Variants in STXBP4 observed in about 807,000 individuals in gnomAD.
The protein encoded by STXBP4 is syntaxin-binding protein 4.
In STXBP4, 55 loss-of-function variants were observed where a neutral mutation model predicts 76.1. The ratio of observed to expected loss-of-function variants is 0.72; its 90% CI spans 0.58 to 0.91. The LOEUF (loss-of-function observed/expected upper bound fraction) is 0.91, where lower values mean the gene tolerates loss of function less well. Among genes scored for constraint, STXBP4 ranks in the 40% least tolerant of loss-of-function variants. STXBP4 has a pLI of 0.00. For synonymous variants in STXBP4, 201 were observed against 220.2 expected, an observed-to-expected ratio of 0.91 and a Z score of 0.77; for missense variants, 618 against 636.9, an observed-to-expected ratio of 0.97 and a Z score of 0.32.
At position 54,990,839 on chromosome 17, in the gene STXBP4, A is replaced by C; in HGVS notation, c.62A>C (p.Gln21Pro). 1 of 1,603,266 alleles carries C rather than the reference A, an allele frequency of 6.2e-7. No homozygotes were observed. The highest frequency in any genetic ancestry group is 2.3e-5 in the East Asian group (1 of 44,444). ...CTTTATCTTAGGGATCCTGCCTTTCAGATGATTACAATTGCCAAGGAAACA... is the reference window on the plus strand; with the variant it reads ...CTTTATCTTAGGGATCCTGCCTTTCCGATGATTACAATTGCCAAGGAAACA... ...PSLLEKDPAFQMITIAKETGL... is the reference protein window; with the variant it reads ...PSLLEKDPAFPMITIAKETGL... Residue 21 changes from glutamine to proline, a missense_variant, in exon 4 of 18, where the codon CAG (glutamine) becomes CCG (proline). Physicochemically the swap from Gln to Pro is moderately conservative, Grantham distance 76 (BLOSUM62 -1). Coordinates refer to ENST00000376352, the MANE Select transcript of STXBP4 (RefSeq NM_178509.6).
rs1488449754 is a variant in STXBP4 at position 55,159,905 on chromosome 17, A to G, written c.1656A>G (p.Lys552=). ...GCTCTAGAGAACTCCCCAACCAGAA[A>G]AGTTGATGGTTTTCCTTAGGAAGTG... is the stretch of plus-strand genomic sequence containing the variant. ...EDCSRELPNQ[K]S Residue 552 remains lysine (K), a synonymous_variant, in exon 18 of 18, where the codon AAA becomes AAG. Transcript: ENST00000376352. 1 of 1,607,868 alleles carries G rather than the reference A, an allele frequency of 6.2e-7. No homozygotes were observed.
intron 7 of STXBP4, among the ~76,000 whole-genome samples, chr17:55,004,740 G>A (rs1291320934): frequency 6.6e-6 from 1 of 151,680 alleles, no homozygotes; most frequent in Non-Finnish European, 1.5e-5. Flanking sequence ...GGAAGGAGGA[G>A]GAGGCGGGGA....
At chr17:55,199,388 T>C in the STXBP4 span, among the ~76,000 whole-genome samples, 1 of 152,272 alleles carries the variant, frequency 6.6e-6, no homozygotes, top group Non-Finnish European at 1.5e-5. Flanking sequence ...GTTTTTCCCC[T>C]AGATGCAGTT....
chr17:55,185,246 CTTCT>C, the STXBP4 span, among the ~76,000 whole-genome samples: 1 of 47,692 alleles, frequency 2.1e-5, no homozygotes, highest in Admixed American at 1.9e-4. Context: ...TCTTCTTCTT[CTTCT>C]CCTTCTCCTT....
intron 8 of STXBP4, among the ~76,000 whole-genome samples, chr17:55,028,776 G>A (rs2078457460): frequency 6.6e-6 from 1 of 151,980 alleles, no homozygotes; most frequent in East Asian, 1.9e-4. Flanking sequence ...TTAACAAACA[G>A]CATACTATTT....
chr17:55,016,676 G>A (rs1466979717), intron 8 of STXBP4, among the ~76,000 whole-genome samples: 1 of 152,148 alleles, frequency 6.6e-6, no homozygotes, highest in Non-Finnish European at 1.5e-5. Context: ...TGTCCTGAAG[G>A]GAGTTCCTCC....
intron 12 of STXBP4, among the ~76,000 whole-genome samples, chr17:55,047,467 AT>A (rs1479925469): frequency 1.3e-5 from 2 of 151,352 alleles, no homozygotes; most frequent in East Asian, 1.9e-4. Flanking sequence ...CTTTTCTTTC[AT>A]TTCCCCTTTT....
At chr17:54,997,319 T>C (rs2077819551) in intron 4 of STXBP4, among the ~76,000 whole-genome samples, 1 of 151,906 alleles carries the variant, frequency 6.6e-6, no homozygotes, top group Admixed American at 6.6e-5. Flanking sequence ...GAAGTCATAG[T>C]CAGAAGGCAT....
At position 55,173,254 on chromosome 17, in the gene STXBP4, T is replaced by C. The variant is rs1393062027; in HGVS notation, c.*13343T>C. On this transcript the variant is annotated 3_prime_UTR_variant, in exon 18 of 18. Coordinates refer to ENST00000376352, the MANE Select transcript of STXBP4 (RefSeq NM_178509.6). ...TGAATTTTTAACACATGTCTAGTTA[T>C]TTGACCACAACCGTAATCAAGATAC... is the stretch of plus-strand genomic sequence containing the variant. The C allele has an allele frequency of 6.6e-6, 1 of 152,228 alleles. No homozygotes were observed. The highest frequency in any genetic ancestry group is 1.5e-5 in the Non-Finnish European group (1 of 68,044). 9.4% of individuals were successfully genotyped at this position (152,228 alleles called of 1,614,324 possible).
intron 16 of STXBP4, among the ~76,000 whole-genome samples, chr17:55,134,786 A>G (rs2080010540): frequency 6.6e-6 from 1 of 152,154 alleles, no homozygotes; most frequent in African/African-American, 2.4e-5. Flanking sequence ...TGCACAGAAT[A>G]AAGTCCGTTG....
In STXBP4 at chr17:55,171,668, T is replaced by G. The variant is rs1307390629; in HGVS notation, c.*11757T>G. 1.3e-5 allele frequency: 2 copies of G among 152,220 alleles called. No individual in the cohort carries two copies. The highest frequency in any genetic ancestry group is 1.3e-4 in the Admixed American group (2 of 15,288). 9.4% of individuals were successfully genotyped at this position (152,220 alleles called of 1,614,324 possible). ...TGCTCTCATGTTACGGGTTGAACTGTGTCCCCCCAAAATTTGTATGTTGAA... is the reference window on the plus strand; with the variant it reads ...TGCTCTCATGTTACGGGTTGAACTGGGTCCCCCCAAAATTTGTATGTTGAA... On this transcript the variant is annotated 3_prime_UTR_variant, in exon 18 of 18. Coordinates refer to ENST00000376352, the MANE Select transcript of STXBP4 (RefSeq NM_178509.6).
chr17:54,996,005 T>G (rs886939165), intron 4 of STXBP4, among the ~76,000 whole-genome samples: 2 of 151,918 alleles, frequency 1.3e-5, no homozygotes, highest in African/African-American at 2.4e-5. Flanking sequence ...GCCCCTAGAC[T>G]GGGAGTTGCT....
rs1230472327 is a variant in STXBP4, at chr17:55,072,900, G to T, written c.1012G>T (p.Glu338Ter). The change falls in exon 13 of 18, where the codon GAA (glutamate) becomes TAA (stop). Residue 338 changes from glutamate (E) to a stop codon, truncating the protein, a stop_gained and splice_region_variant. Coordinates refer to ENST00000376352, the MANE Select transcript of STXBP4 (RefSeq NM_178509.6). LOFTEE classifies it high-confidence loss of function. ...ATGACATTAATTTTGAAATCTTTAG[G>T]AAGCCAAAGCTGTAGTTGAAGAAAC... ...LTEELQNVKQ[E>*]AKAVVEETRA... 1.9e-6 allele frequency: 3 copies of T among 1,584,354 alleles called. No homozygotes were observed. Among genetic ancestry groups the T allele is most frequent in the African/African-American group, 2.7e-5 (2 of 73,312 alleles).
intron 16 of STXBP4, among the ~76,000 whole-genome samples, chr17:55,124,669 T>A (rs1187373216): frequency 1.3e-5 from 2 of 152,208 alleles, no homozygotes; most frequent in Admixed American, 1.3e-4. Flanking sequence ...GTGTGCAAAA[T>A]TTGGATCCAT....
chr17:55,093,306 A>C (rs377151800), intron 16 of STXBP4, among the ~76,000 whole-genome samples: 1 of 152,150 alleles, frequency 6.6e-6, no homozygotes, highest in South Asian at 2.1e-4. Flanking sequence ...GTGTTTCTTT[A>C]ATGAAAGTCA....
chr17:55,168,301 T>G lies in STXBP4; in HGVS notation c.*8390T>G, dbSNP rs1018875044. On this transcript the variant is annotated 3_prime_UTR_variant, in exon 18 of 18. Transcript: ENST00000376352. ...GGAATAAGAAATATTTAATAAAATC[T>G]ACACAATTTCAAAAATATGACCAAA... The G allele has an allele frequency of 4.6e-5, 7 of 151,632 alleles. No individual in the cohort carries two copies. The highest frequency in any genetic ancestry group is 1.0e-4 in the Non-Finnish European group (7 of 67,890). 9.4% of individuals were successfully genotyped at this position (151,632 alleles called of 1,614,324 possible).
At chr17:55,181,414 A>C in the STXBP4 span, among the ~76,000 whole-genome samples, 1 of 152,226 alleles carries the variant, frequency 6.6e-6, no homozygotes. Flanking sequence ...TCCTACTCAA[A>C]TTTCACCTTC....
chr17:55,033,636 C>T (rs2078549403), intron 9 of STXBP4, among the ~76,000 whole-genome samples: 1 of 152,124 alleles, frequency 6.6e-6, no homozygotes, highest in Non-Finnish European at 1.5e-5. Context: ...TCCTCTTTGC[C>T]ACGTGGCCTT....
At position 54,982,611 on chromosome 17, in the gene STXBP4, TGTGTG is replaced by T. The variant is rs1417327373; in HGVS notation, c.-156-3002_-156-2998del. ...AGGGTGGTTTGTGTGTGTGTGTGTG[TGTGTG>T]TGTGTGTGTGAGTGTGGTGAGTATG... On this transcript the variant is annotated intron_variant, in intron 1 of 17. Coordinates refer to ENST00000376352, the MANE Select transcript of STXBP4 (RefSeq NM_178509.6). 1.2e-4 allele frequency among the ~76,000 whole-genome samples: 18 copies of T among 151,914 alleles called. 1 individual carries two copies. The South Asian group carries it at 3.8e-3, about 32-fold the overall frequency.
Sources: gnomAD v4.1 joint callset for allele counts (sites outside exome capture counted in the v4.1 genomes callset) on GRCh38, gnomAD v4.1.1 for gene constraint, MANE v1.5 for transcripts, NCBI Gene and HGNC (gene_info 2026-07-23, HGNC 2026-07-21) for gene names.